CUX1: variants seen among roughly 807,000 people sequenced by gnomAD.
The protein encoded by CUX1 is protein CASP.
CUX1 carries 31 observed loss-of-function variants against 158.8 expected under a neutral mutation model. That is an observed-to-expected ratio of 0.20 (90% CI 0.15 to 0.26). CUX1 has a LOEUF of 0.26. Among genes scored for constraint, CUX1 ranks in the 10% least tolerant of loss-of-function variants. The pLI is 1.00. For missense variants in CUX1, 1,589 were observed against 2,014.6 expected, an observed-to-expected ratio of 0.79 and a Z score of 4.04; for synonymous variants, 879 against 862.1, an observed-to-expected ratio of 1.02 and a Z score of -0.34.
At chr7:102,111,862 GA>G (rs1402488408) in intron 7 of CUX1, 88 bp downstream of exon 7, 1 of 1,196,434 alleles carries the variant, frequency 8.4e-7, no homozygotes, top group African/African-American at 1.5e-5. Context: ...GGTCCCCGCG[GA>G]TACCTGTTGC....
chr7:101,935,695 G>A (rs1806841141), intron 2 of CUX1, among the ~76,000 whole-genome samples: 1 of 152,236 alleles, frequency 6.6e-6, no homozygotes, highest in Non-Finnish European at 1.5e-5. Flanking sequence ...CGGACCTGGT[G>A]TGGCAATGGT....
At chr7:101,860,160 T>C (rs543869720) in intron 1 of CUX1, among the ~76,000 whole-genome samples, 5 of 152,096 alleles carry the variant, frequency 3.3e-5, no homozygotes, top group Non-Finnish European at 7.3e-5. Flanking sequence ...TTGAAGGGGA[T>C]AGATGCATTG....
intron 2 of CUX1, among the ~76,000 whole-genome samples, chr7:101,943,445 A>G (rs911368609): frequency 7.9e-5 from 12 of 152,090 alleles, no homozygotes; most frequent in African/African-American, 2.9e-4. Flanking sequence ...AAAAATGACC[A>G]ATTCATCTAA....
intron 11 of CUX1, among the ~76,000 whole-genome samples, chr7:102,183,352 G>T (rs1313172665): frequency 1.3e-5 from 2 of 151,808 alleles, no homozygotes; most frequent in Non-Finnish European, 1.5e-5. Flanking sequence ...AGCCAGAGTG[G>T]TGGCACATGC....
chr7:102,193,777 G>A, intron 12 of CUX1, 65 bp from the exon 13 acceptor site: 6 of 1,535,994 alleles, frequency 3.9e-6, no homozygotes, highest in Non-Finnish European at 4.4e-6. Context: ...ACTCTAGCCT[G>A]GGTGACAGAA....
At chr7:102,072,536 A>C (rs377394751) in intron 4 of CUX1, among the ~76,000 whole-genome samples, 11 of 152,352 alleles carry the variant, frequency 7.2e-5, no homozygotes, top group African/African-American at 2.4e-4. Context: ...CTCTGCAAAC[A>C]TCTGATTGGT....
Position 102,258,147 on chromosome 7 carries a change from T to G in CUX1, c.*9105T>G. Reference sequence around the variant, plus strand: ...CCCTATATAATACGGAGAAGCAATATCACTGTATGAGACTCACACCATGTA... The same window carrying G: ...CCCTATATAATACGGAGAAGCAATAGCACTGTATGAGACTCACACCATGTA... On this transcript the variant is annotated 3_prime_UTR_variant, in exon 24 of 24. Transcript: ENST00000292535. 1 of 985,260 alleles carries G rather than the reference T, an allele frequency of 1.0e-6. No individual in the cohort carries two copies. The highest frequency in any genetic ancestry group is 1.2e-6 in the Non-Finnish European group (1 of 829,822). The allele number at this position is 985,260 out of a possible 1,614,324, so 61.0% of individuals were successfully genotyped here.
intron 5 of CUX1, among the ~76,000 whole-genome samples, chr7:102,101,770 G>A (rs1260287012): frequency 1.3e-5 from 2 of 152,168 alleles, no homozygotes; most frequent in African/African-American, 4.8e-5. Context: ...GAATTAGCCA[G>A]GTGTGATGGC....
intron 2 of CUX1, among the ~76,000 whole-genome samples, chr7:101,999,217 CTT>C (rs3988167): frequency 0.012 from 1,055 of 85,810 alleles, 17 homozygotes; most frequent in African/African-American, 0.045. Context: ...TTTTTTTTAC[CTT>C]TTTTTTTTTT....
intron 4 of CUX1, among the ~76,000 whole-genome samples, chr7:102,079,637 G>A (rs1456406955): frequency 1.3e-5 from 2 of 152,042 alleles, no homozygotes; most frequent in Admixed American, 1.3e-4. Flanking sequence ...TGGGACCCAG[G>A]GCCCCTCCGG....
intron 4 of CUX1, among the ~76,000 whole-genome samples, chr7:102,079,432 T>C (rs1300535363): frequency 2.1e-5 from 3 of 144,188 alleles, no homozygotes; most frequent in East Asian, 1.9e-4. Context: ...AGTGAGACTC[T>C]GTCTCAAAAA....
At chr7:102,227,875 C>CA (rs782150550) in intron 21 of CUX1, among the ~76,000 whole-genome samples, 8 of 152,106 alleles carry the variant, frequency 5.3e-5, no homozygotes, top group Non-Finnish European at 8.8e-5. Context: ...CCTGCACCCC[C>CA]ACGGGGACCA....
At chr7:102,060,013 C>T (rs896095885) in intron 3 of CUX1, among the ~76,000 whole-genome samples, 13 of 151,962 alleles carry the variant, frequency 8.6e-5, no homozygotes, top group Admixed American at 2.6e-4. Context: ...CAGTGGCTCA[C>T]GCCTGTAATC....
intron 8 of CUX1, among the ~76,000 whole-genome samples, chr7:102,122,576 AC>A (rs797035467): frequency 1.1e-4 from 16 of 152,138 alleles, no homozygotes; most frequent in African/African-American, 3.6e-4. Flanking sequence ...GAATAGTACA[AC>A]CATGACCTGG....
chr7:101,823,541 T>C (rs1185586020), intron 1 of CUX1, among the ~76,000 whole-genome samples: 1 of 152,138 alleles, frequency 6.6e-6, no homozygotes, highest in Non-Finnish European at 1.5e-5. Context: ...CCGTGTGTGA[T>C]TGATGCAGTT....
At chr7:102,013,408 T>C (rs995214828) in intron 2 of CUX1, among the ~76,000 whole-genome samples, 1 of 152,234 alleles carries the variant, frequency 6.6e-6, no homozygotes, top group Non-Finnish European at 1.5e-5. Flanking sequence ...TGTCTTCAAC[T>C]GTATTTCTTT....
chr7:101,983,732 T>C (rs1273887006), intron 2 of CUX1, among the ~76,000 whole-genome samples: 1 of 151,678 alleles, frequency 6.6e-6, no homozygotes, highest in Non-Finnish European at 1.5e-5. Context: ...AACAACCAGA[T>C]CTCACAAGAA....
chr7:101,841,560 A>G (rs1562915010), intron 1 of CUX1, among the ~76,000 whole-genome samples: 1 of 147,608 alleles, frequency 6.8e-6, no homozygotes, highest in African/African-American at 2.5e-5. Context: ...TTATTTATTT[A>G]TTTATTTATT....
intron 1 of CUX1, among the ~76,000 whole-genome samples, chr7:101,905,955 T>C (rs1802703777): frequency 6.6e-6 from 1 of 151,818 alleles, no homozygotes; most frequent in African/African-American, 2.4e-5. Flanking sequence ...CCCAAATAGC[T>C]GGGACTACAG....
Sources: gnomAD v4.1 joint callset for allele counts (sites outside exome capture counted in the v4.1 genomes callset) on GRCh38, gnomAD v4.1.1 for gene constraint, MANE v1.5 for transcripts, NCBI Gene and HGNC (gene_info 2026-07-23, HGNC 2026-07-21) for gene names.